The following MORN2 variants were observed in gnomAD, a reference collection of about 807,000 sequenced individuals.
The protein encoded by MORN2 is MORN repeat-containing protein 2.
A neutral mutation model predicts 13.4 loss-of-function variants in MORN2; 15 were observed. The ratio of observed to expected loss-of-function variants is 1.12; its 90% CI spans 0.75 to 1.72. The LOEUF (loss-of-function observed/expected upper bound fraction) is 1.72. Among genes scored for constraint, MORN2 ranks in the 40% most tolerant of loss-of-function variants. The pLI, the probability that MORN2 is intolerant of heterozygous loss-of-function variation, is 0.00. For synonymous variants in MORN2, 46 were observed against 43.6 expected, an observed-to-expected ratio of 1.06 and a Z score of -0.22; for missense variants, 168 against 134.6, an observed-to-expected ratio of 1.25 and a Z score of -1.23.
intron 1 of MORN2, among the ~76,000 whole-genome samples, chr2:38,878,038 C>T (rs1338611934): frequency 6.6e-6 from 1 of 152,168 alleles, no homozygotes. Flanking sequence ...TCAAGCAACC[C>T]ACCCTCCTCA....
intron 3 of MORN2, 135 bp from the exon 4 acceptor site, chr2:38,881,307 A>G (rs74458478): frequency 1.4e-6 from 1 of 713,204 alleles, no homozygotes; most frequent in East Asian, 3.2e-5. Flanking sequence ...TTGTCTTTAT[A>G]CTATGGAAAT....
rs538794426 is a variant in MORN2 at position 38,880,464 on chromosome 2, T to G, written c.110-136T>G. On this transcript the variant is annotated intron_variant, in intron 2 of 4. Transcript: ENST00000644631. ...GTCTCAATTGTTACAAGATGTTCTG[T>G]GTCCATGGATTTTCTCATCTCTGGT... The G allele has an allele frequency of 1.3e-4, 56 of 438,578 alleles. No individual in the cohort carries two copies. In the East Asian group the frequency reaches 1.9e-3, roughly 15 times the overall value. The allele number at this position is 438,578 out of a possible 1,614,324, so 27.2% of individuals were successfully genotyped here. A position where few individuals can be genotyped will look rare whatever the true frequency, so the allele number is the denominator to read the frequency against.
Position 38,881,333 on chromosome 2 carries a change from G to A in MORN2, c.217-109G>A, listed in dbSNP as rs1377190913. ...CTATGGAAATAAAGGACAATACAAA[G>A]TTGGTTAAGTAATAATTAGCAGATG... On this transcript the variant is annotated intron_variant, in intron 3 of 4. Coordinates refer to ENST00000644631, the MANE Select transcript of MORN2 (RefSeq NM_001145450.3). The A allele has an allele frequency of 4.3e-6, 4 of 924,440 alleles. No homozygotes were observed. In the South Asian group the frequency reaches 5.2e-5, roughly 12 times the overall value. The allele number at this position is 924,440 out of a possible 1,614,324, so 57.3% of individuals were successfully genotyped here.
intron 3 of MORN2, 36 bp from the exon 4 acceptor site, chr2:38,881,406 A>T: frequency 6.6e-7 from 1 of 1,508,618 alleles, no homozygotes; most frequent in Non-Finnish European, 8.8e-7. Context: ...GAAACTGAAG[A>T]TTAGTTTCTA....
chr2:38,877,665 T>G (rs2218850), intron 1 of MORN2, among the ~76,000 whole-genome samples: 140,126 of 152,060 alleles, frequency 0.92, 65,716 homozygotes, highest in East Asian at 1. Flanking sequence ...AATTTTGGTG[T>G]AGATGGAATC....
intron 1 of MORN2, among the ~76,000 whole-genome samples, chr2:38,877,827 C>T (rs1437288656): frequency 6.6e-6 from 1 of 151,644 alleles, no homozygotes; most frequent in Non-Finnish European, 1.5e-5. Context: ...AAGACAGAGT[C>T]TTGCTGTCTC....
intron 2 of MORN2, 106 bp downstream of exon 2, chr2:38,880,335 T>C: frequency 2.5e-6 from 1 of 399,114 alleles, no homozygotes; most frequent in Non-Finnish European, 4.4e-6. Context: ...GATATTAACT[T>C]TATTAACTAA....
chr2:38,882,372 T>C (rs770234906), intron 4 of MORN2, 41 bp from the exon 5 acceptor site: 1 of 1,294,220 alleles, frequency 7.7e-7, no homozygotes, highest in Non-Finnish European at 1.1e-6. Context: ...CTGTAAATTA[T>C]TCATCTTTGT....
Position 38,877,889 on chromosome 2 carries a change from T to C in MORN2, c.58+1779T>C, listed in dbSNP as rs532797338. 7.3e-4 allele frequency among the ~76,000 whole-genome samples: 111 copies of C among 152,230 alleles called. 1 individual carries two copies. Among genetic ancestry groups the C allele is most frequent in the Non-Finnish European group, 1.2e-3 (82 of 68,004 alleles). The stretch of plus-strand genomic sequence containing the variant: ...CGGACTCACTGCAGCCTTCACTTCC[T>C]GGGCTCAAGCGATCCTCCCACCTCA... On this transcript the variant is annotated intron_variant, in intron 1 of 4. Transcript: ENST00000644631.
At chr2:38,880,741 A>G (rs1367592654) in intron 3 of MORN2, 35 bp downstream of exon 3, 1 of 1,548,410 alleles carries the variant, frequency 6.5e-7, no homozygotes, top group Non-Finnish European at 8.7e-7. Flanking sequence ...GCAGTGGATA[A>G]ATAACCCTGT....
Position 38,879,263 on chromosome 2 carries a change from C to T in MORN2, c.59-916C>T, listed in dbSNP as rs190638951. On this transcript the variant is annotated intron_variant, in intron 1 of 4. Coordinates refer to ENST00000644631, the MANE Select transcript of MORN2 (RefSeq NM_001145450.3). Reference sequence around the variant, plus strand: ...TACCAAAGAGAAATAAAAACATATCCACACAAAAATCTGTACACCAATTTT... The same window carrying T: ...TACCAAAGAGAAATAAAAACATATCTACACAAAAATCTGTACACCAATTTT... Among the ~76,000 whole-genome samples the T allele has an allele frequency of 2.1e-3, 313 of 152,214 alleles. 1 individual carries two copies. The highest frequency in any genetic ancestry group is 7.1e-3 in the African/African-American group (293 of 41,528).
Position 38,881,591 on chromosome 2 carries a change from T to TAAA in MORN2, c.353+20_353+22dup, listed in dbSNP as rs537913976. ...TCAATGAAAATAGGTAAGCTTAAAA[T>TAAA]AAAAAAAAATCACTGCATTTCTAAA... On this transcript the variant is annotated intron_variant, in intron 4 of 4. Coordinates refer to ENST00000644631, the MANE Select transcript of MORN2 (RefSeq NM_001145450.3). 6.8e-7 allele frequency: 1 copy of TAAA among 1,474,866 alleles called. No homozygotes were observed. The highest frequency in any genetic ancestry group is 9.0e-7 in the Non-Finnish European group (1 of 1,111,388). 91.4% of individuals were successfully genotyped at this position (1,474,866 alleles called of 1,614,324 possible).
chr2:38,878,530 T>TA (rs1308428726), intron 1 of MORN2, among the ~76,000 whole-genome samples: 25 of 152,108 alleles, frequency 1.6e-4, no homozygotes, highest in Admixed American at 9.8e-4. Flanking sequence ...TTTTTTTAAT[T>TA]AAAAAATTTT....
chr2:38,881,461 T>C lies in MORN2; in HGVS notation c.236T>C (p.Leu79Pro). ...AAACAGATGAATGGTTTTGGAAGAC[T>C]TGAGCATTTTTCAGGAGCAGTATAT... is the stretch of plus-strand genomic sequence containing the variant. Residue 79 changes from leucine (L) to proline (P), a missense_variant, in exon 4 of 5, where the codon CTT becomes CCT. By Grantham distance (98) the Leu-to-Pro change is moderately conservative (BLOSUM62 -3). Coordinates refer to ENST00000644631, the MANE Select transcript of MORN2 (RefSeq NM_001145450.3). 1 of 1,538,842 alleles carries C rather than the reference T, an allele frequency of 6.5e-7. No homozygotes were observed. The highest frequency in any genetic ancestry group is 2.5e-5 in the East Asian group (1 of 40,232).
At chr2:38,878,343 G>A (rs1021179472) in intron 1 of MORN2, among the ~76,000 whole-genome samples, 4 of 152,074 alleles carry the variant, frequency 2.6e-5, no homozygotes, top group Admixed American at 6.6e-5. Context: ...CTGTCTAGGT[G>A]TGGGATTTTG....
Position 38,881,585 on chromosome 2 carries a change from TTAAAA to T in MORN2, c.353+13_353+17del. On this transcript the variant is annotated splice_region_variant and intron_variant, in intron 4 of 4. Coordinates refer to ENST00000644631, the MANE Select transcript of MORN2 (RefSeq NM_001145450.3). ...GAAATTTCAATGAAAATAGGTAAGCTTAAAATAAAAAAAAATCACTGCATTTCTAA... is the reference window on the plus strand; with the variant it reads ...GAAATTTCAATGAAAATAGGTAAGCTTAAAAAAAAATCACTGCATTTCTAA... 4.7e-6 allele frequency: 7 copies of T among 1,494,258 alleles called. No individual in the cohort carries two copies. Among genetic ancestry groups the T allele is most frequent in the Non-Finnish European group, 6.2e-6 (7 of 1,125,608 alleles). The allele number at this position is 1,494,258 out of a possible 1,614,324, so 92.6% of individuals were successfully genotyped here. A position where few individuals can be genotyped will look rare whatever the true frequency, so the allele number is the denominator to read the frequency against.
chr2:38,876,687 GT>G (rs1665637256), intron 1 of MORN2, among the ~76,000 whole-genome samples: 1 of 152,184 alleles, frequency 6.6e-6, no homozygotes, highest in Non-Finnish European at 1.5e-5. Context: ...TAGGCCCAGA[GT>G]GCCGTGGGGG....
At chr2:38,882,109 A>T (rs1025384198) in intron 4 of MORN2, among the ~76,000 whole-genome samples, 1 of 152,192 alleles carries the variant, frequency 6.6e-6, no homozygotes, top group Non-Finnish European at 1.5e-5. Context: ...TAACCGATAT[A>T]AACTTTTCAT....
Position 38,881,592 on chromosome 2 carries a change from A to G in MORN2, c.353+14A>G, listed in dbSNP as rs1178282457. 1.0e-5 allele frequency: 14 copies of G among 1,393,378 alleles called. No homozygotes were observed. The highest frequency in any genetic ancestry group is 1.2e-5 in the Non-Finnish European group (13 of 1,049,336). The allele number at this position is 1,393,378 out of a possible 1,614,324, so 86.3% of individuals were successfully genotyped here. A position where few individuals can be genotyped will look rare whatever the true frequency, so the allele number is the denominator to read the frequency against. ...CAATGAAAATAGGTAAGCTTAAAAT[A>G]AAAAAAAATCACTGCATTTCTAAAA... On this transcript the variant is annotated intron_variant, in intron 4 of 4. Transcript: ENST00000644631.
Sources: allele counts gnomAD v4.1 joint callset (sites outside exome capture counted in the v4.1 genomes callset), GRCh38; gene constraint gnomAD v4.1.1; transcripts MANE v1.5; gene names NCBI Gene and HGNC (gene_info 2026-07-23, HGNC 2026-07-21).